STK17B: variants seen among roughly 807,000 people sequenced by gnomAD.
The protein encoded by STK17B is serine/threonine-protein kinase 17B.
Under a neutral mutation model 42.0 loss-of-function variants are expected in STK17B, and 21 were observed. That is an observed-to-expected ratio of 0.50 (90% CI 0.35 to 0.72). The LOEUF (loss-of-function observed/expected upper bound fraction) is 0.72. STK17B is among the 30% of genes least tolerant of loss of function. The probability of loss-of-function intolerance (pLI) is 0.00; values close to 1 mark genes in which losing one functional copy is unlikely to be tolerated. For synonymous variants in STK17B, 143 were observed against 148.4 expected, an observed-to-expected ratio of 0.96 and a Z score of 0.26; for missense variants, 349 against 446.0, an observed-to-expected ratio of 0.78 and a Z score of 1.96.
chr2:196,142,884 A>T (rs10210675), intron 5 of STK17B, among the ~76,000 whole-genome samples: 111,175 of 152,142 alleles, frequency 0.73, 41,038 homozygotes, highest in East Asian at 0.91. Flanking sequence ...CAGAAAAAAG[A>T]AAAAAGATTA....
chr2:196,144,361 C>T (rs934788053), intron 4 of STK17B, among the ~76,000 whole-genome samples: 1 of 151,274 alleles, frequency 6.6e-6, no homozygotes, highest in Non-Finnish European at 1.5e-5. Context: ...GTGGCAGGCA[C>T]CTGTAGTCCC....
At chr2:196,156,803 A>T in intron 2 of STK17B, 152 bp from the exon 3 acceptor site, 3 of 669,932 alleles carry the variant, frequency 4.5e-6, no homozygotes, top group Non-Finnish European at 7.5e-6. Flanking sequence ...TGATTCAAAT[A>T]TCATACGTAC....
At chr2:196,163,677 AT>A (rs1285478075) in intron 1 of STK17B, among the ~76,000 whole-genome samples, 1 of 152,210 alleles carries the variant, frequency 6.6e-6, no homozygotes, top group Non-Finnish European at 1.5e-5. Context: ...TTTAAAAAAA[AT>A]AGTTATGATA....
chr2:196,147,734 A>ATTTTTTTTT (rs200152797), intron 3 of STK17B, among the ~76,000 whole-genome samples: 1 of 145,430 alleles, frequency 6.9e-6, no homozygotes. Context: ...GAGACATAAT[A>ATTTTTTTTT]TATTTTTTTT....
rs770251222 is a variant in STK17B at position 196,137,707 on chromosome 2, A to G, written c.859T>C (p.Cys287Arg). 3 of 1,613,232 alleles carry G rather than the reference A, an allele frequency of 1.9e-6. No individual in the cohort carries two copies. The highest frequency in any genetic ancestry group is 1.7e-5 in the Admixed American group (1 of 59,950). ...NPEKRPTAEI[C>R]LSHSWLQQWD... ...TGCTGTAGCCAAGAATGAGAAAGGC[A>G]TATCTCTGCTGTTGGTCTTTTCCTT... The change falls in exon 8 of 8, where the codon TGC becomes CGC. Residue 287 changes from cysteine (C) to arginine (R), a missense_variant. Physicochemically the swap from Cys to Arg is radical, Grantham distance 180. Transcript: ENST00000263955.
At chr2:196,149,407 G>A (rs1003404572) in intron 3 of STK17B, among the ~76,000 whole-genome samples, 1 of 151,876 alleles carries the variant, frequency 6.6e-6, no homozygotes, top group Admixed American at 6.5e-5. Flanking sequence ...CTCGTGATCC[G>A]CCCGCCTCGG....
intron 3 of STK17B, chr2:196,153,299 A>G (rs1423341465): frequency 6.8e-6 from 1 of 147,312 alleles, no homozygotes; most frequent in Non-Finnish European, 1.5e-5. Flanking sequence ...TGTTGGTAGC[A>G]GTATTAGTAT....
At chr2:196,143,752 AGTATATTAAG>A in intron 4 of STK17B, 66 bp from the exon 5 acceptor site, 1 of 1,308,210 alleles carries the variant, frequency 7.6e-7, no homozygotes, top group Admixed American at 2.8e-5. Flanking sequence ...TCAGATGGAA[AGTATATTAAG>A]TGGAAGATAT....
At position 196,163,555 on chromosome 2, in the gene STK17B, C is replaced by T. The variant is rs16846097; in HGVS notation, c.-44-128G>A. ...AAAAGATTTAAAGAGCACATTCTAT[C>T]CACAAGGAGGAAAAAACAAAAAGCA... On this transcript the variant is annotated intron_variant, in intron 1 of 7. Transcript: ENST00000263955. The T allele has an allele frequency of 0.014, 10,065 of 700,708 alleles. 908 individuals carry two copies. The East Asian group carries it at 0.23, about 16-fold the overall frequency. The allele number at this position is 700,708 out of a possible 1,614,324, so 43.4% of individuals were successfully genotyped here. A position where few individuals can be genotyped will look rare whatever the true frequency, so the allele number is the denominator to read the frequency against.
chr2:196,139,154 T>C (rs774734676), intron 7 of STK17B, among the ~76,000 whole-genome samples: 29 of 151,744 alleles, frequency 1.9e-4, no homozygotes, highest in Admixed American at 1.7e-3. Context: ...TTAGTAGAGA[T>C]GGGGTTTCAC....
chr2:196,162,465 T>C (rs1699824138), intron 2 of STK17B, among the ~76,000 whole-genome samples: 1 of 150,312 alleles, frequency 6.7e-6, no homozygotes, highest in Non-Finnish European at 1.5e-5. Flanking sequence ...TTTAAAAAAA[T>C]ATTTCATTTA....
intron 7 of STK17B, among the ~76,000 whole-genome samples, chr2:196,138,582 G>T (rs542256572): frequency 6.6e-4 from 95 of 144,356 alleles, no homozygotes; most frequent in African/African-American, 1.8e-3. Context: ...TTTTTTTTTG[G>T]TTTTTTTTTT....
chr2:196,160,111 G>A (rs1347478477), intron 2 of STK17B, among the ~76,000 whole-genome samples: 1 of 152,102 alleles, frequency 6.6e-6, no homozygotes, highest in East Asian at 1.9e-4. Flanking sequence ...TTTAAGAAAA[G>A]TTAAAGCATT....
intron 2 of STK17B, among the ~76,000 whole-genome samples, chr2:196,158,695 A>G (rs1307833047): frequency 6.6e-6 from 1 of 152,058 alleles, no homozygotes; most frequent in Non-Finnish European, 1.5e-5. Flanking sequence ...TCTAATCACT[A>G]TAAAACAATT....
intron 4 of STK17B, among the ~76,000 whole-genome samples, chr2:196,144,000 G>T (rs1279641618): frequency 7.2e-6 from 1 of 138,840 alleles, no homozygotes; most frequent in African/African-American, 2.7e-5. Context: ...TTGCAGTAGA[G>T]ATGATGCGTA....
intron 4 of STK17B, among the ~76,000 whole-genome samples, chr2:196,145,131 C>G (rs1215761103): frequency 6.6e-6 from 1 of 150,478 alleles, no homozygotes; most frequent in Non-Finnish European, 1.5e-5. Context: ...TACTGTCCCC[C>G]TGCTCCATAG....
rs1170576169 is a variant in STK17B at position 196,171,081 on chromosome 2, A to C, written c.-45+252T>G. On this transcript the variant is annotated intron_variant, in intron 1 of 7. Coordinates refer to ENST00000263955, the MANE Select transcript of STK17B (RefSeq NM_004226.4). The stretch of plus-strand genomic sequence containing the variant: ...AGACACAGACACGCGCCCCGGGCTG[A>C]GGAGGGTGGTGGGAGGACCGCCGGC... The C allele has an allele frequency of 6.6e-5, 10 of 152,538 alleles. No individual in the cohort carries two copies. The East Asian group carries it at 1.9e-3, about 29-fold the overall frequency. The allele number at this position is 152,538 out of a possible 1,614,324, so 9.4% of individuals were successfully genotyped here. A position where few individuals can be genotyped will look rare whatever the true frequency, so the allele number is the denominator to read the frequency against.
At chr2:196,140,577 C>CTTTTTTTTTTT (rs58205758) in intron 6 of STK17B, among the ~76,000 whole-genome samples, 1 of 101,478 alleles carries the variant, frequency 9.9e-6, no homozygotes, top group African/African-American at 3.6e-5. Flanking sequence ...CTTCTTCTAG[C>CTTTTTTTTTTT]TTTTTTTTTT....
intron 4 of STK17B, among the ~76,000 whole-genome samples, chr2:196,144,229 G>A (rs149516221): frequency 1.1e-4 from 17 of 151,298 alleles, no homozygotes; most frequent in South Asian, 1.0e-3. Context: ...GGTGGCTCAC[G>A]CCTGTAATCC....
Sources: gnomAD v4.1 joint callset for allele counts (sites outside exome capture counted in the v4.1 genomes callset) on GRCh38, gnomAD v4.1.1 for gene constraint, MANE v1.5 for transcripts, NCBI Gene and HGNC (gene_info 2026-07-23, HGNC 2026-07-21) for gene names.